Variants in GRM1 observed in about 807,000 individuals in gnomAD.
GRM1 encodes the protein glutamate metabotropic receptor 1, also known as metabotropic glutamate receptor 1.
Under a neutral mutation model 90.9 loss-of-function variants are expected in GRM1, and 33 were observed. The ratio of observed to expected loss-of-function variants is 0.36; its 90% CI spans 0.28 to 0.49. The LOEUF is 0.49. Among genes scored for constraint, GRM1 ranks in the 20% least tolerant of loss-of-function variants. GRM1 has a pLI of 0.99. For synonymous variants in GRM1, 700 were observed against 613.2 expected (o/e 1.14, Z -2.09); for missense variants, 1,190 against 1,534.3 (o/e 0.78, Z 3.75).
chr6:146,405,185 A>G (rs771350389), intron 7 of GRM1, among the ~76,000 whole-genome samples: 8 of 152,182 alleles, frequency 5.3e-5, no homozygotes, highest in Non-Finnish European at 8.8e-5. Context: ...TATCCATAAG[A>G]TTCTTAGAAA....
intron 2 of GRM1, among the ~76,000 whole-genome samples, chr6:146,190,164 A>T (rs1017239140): frequency 6.6e-6 from 1 of 152,200 alleles, no homozygotes; most frequent in East Asian, 1.9e-4. Context: ...AGTGGGGAAA[A>T]TTTTCACATC....
intron 7 of GRM1, among the ~76,000 whole-genome samples, chr6:146,424,810 T>C (rs1475686267): frequency 6.6e-6 from 1 of 152,220 alleles, no homozygotes; most frequent in Non-Finnish European, 1.5e-5. Context: ...TGAGTGTATT[T>C]TCTATCTTCT....
intron 2 of GRM1, among the ~76,000 whole-genome samples, chr6:146,164,312 C>T (rs1272739252): frequency 3.9e-5 from 6 of 152,044 alleles, no homozygotes; most frequent in African/African-American, 1.4e-4. Flanking sequence ...ACTACTGAAC[C>T]ATATTATCAT....
At chr6:146,396,130 A>G (rs143220959) in intron 6 of GRM1, among the ~76,000 whole-genome samples, 1 of 138,356 alleles carries the variant, frequency 7.2e-6, no homozygotes, top group African/African-American at 2.6e-5. Flanking sequence ...TTTATCATCT[A>G]TGTATCATCT....
intron 1 of GRM1, among the ~76,000 whole-genome samples, chr6:146,040,610 C>T (rs1286525935): frequency 1.3e-5 from 2 of 152,032 alleles, no homozygotes; most frequent in African/African-American, 4.8e-5. Flanking sequence ...GTGGTTTCCA[C>T]TAAGAAGTCT....
chr6:146,248,870 A>T (rs1316600823), intron 2 of GRM1, among the ~76,000 whole-genome samples: 2 of 152,168 alleles, frequency 1.3e-5, no homozygotes, highest in African/African-American at 4.8e-5. Flanking sequence ...TCAGATGGAG[A>T]TGAGGAACTT....
intron 2 of GRM1, among the ~76,000 whole-genome samples, chr6:146,282,776 T>C (rs997245678): frequency 6.6e-6 from 1 of 152,114 alleles, no homozygotes; most frequent in African/African-American, 2.4e-5. Context: ...AAATGTTAGG[T>C]CTCATTATGA....
chr6:146,159,484 G>A lies in GRM1; in HGVS notation c.837G>A (p.Glu279=). Residue 279 remains glutamate (E), a synonymous_variant, in exon 2 of 8, where the codon GAG becomes GAA. Coordinates refer to ENST00000282753, the MANE Select transcript of GRM1 (RefSeq NM_001278064.2). The part of the protein sequence containing the change: ...SFDRLLRKLR[E]RLPKARVVVC... Reference sequence around the variant, plus strand: ...ACCGACTCTTGCGCAAACTCCGAGAGAGGCTTCCCAAGGCTAGAGTGGTGG... The same window carrying A: ...ACCGACTCTTGCGCAAACTCCGAGAAAGGCTTCCCAAGGCTAGAGTGGTGG... 6.2e-7 allele frequency: 1 copy of A among 1,614,228 alleles called. No individual in the cohort carries two copies. The highest frequency in any genetic ancestry group is 8.5e-7 in the Non-Finnish European group (1 of 1,180,034).
chr6:146,299,699 T>A (rs1249136862), intron 2 of GRM1, among the ~76,000 whole-genome samples: 1 of 152,228 alleles, frequency 6.6e-6, no homozygotes, highest in African/African-American at 2.4e-5. Context: ...AATATTCATC[T>A]GAATACTTGT....
At chr6:146,214,297 C>T (rs896886782) in intron 2 of GRM1, among the ~76,000 whole-genome samples, 5 of 152,148 alleles carry the variant, frequency 3.3e-5, no homozygotes, top group African/African-American at 1.2e-4. Flanking sequence ...CTGGCATGGT[C>T]TAAGCCATAA....
At chr6:146,403,329 G>C (rs1777222412) in intron 7 of GRM1, among the ~76,000 whole-genome samples, 1 of 152,058 alleles carries the variant, frequency 6.6e-6, no homozygotes, top group South Asian at 2.1e-4. Context: ...CAAACAATTT[G>C]ATGGCACATG....
chr6:146,390,793 C>A (rs933112503), intron 6 of GRM1, among the ~76,000 whole-genome samples: 6 of 151,982 alleles, frequency 3.9e-5, no homozygotes, highest in Non-Finnish European at 7.4e-5. Flanking sequence ...AAGGGAGGAG[C>A]TTCATATGAA....
intron 2 of GRM1, among the ~76,000 whole-genome samples, chr6:146,257,748 A>G (rs960424000): frequency 3.9e-5 from 6 of 151,958 alleles, no homozygotes; most frequent in Non-Finnish European, 7.4e-5. Flanking sequence ...TTCCCCTTTC[A>G]TCTTTTTTTT....
At chr6:146,117,141 G>GATTT (rs201253228) in intron 1 of GRM1, among the ~76,000 whole-genome samples, 1 of 148,916 alleles carries the variant, frequency 6.7e-6, no homozygotes, top group African/African-American at 2.5e-5. Flanking sequence ...ATTTTCCTTG[G>GATTT]ATTTATTTAT....
At chr6:146,431,514 C>T (rs1013630079) in intron 7 of GRM1, among the ~76,000 whole-genome samples, 1 of 152,100 alleles carries the variant, frequency 6.6e-6, no homozygotes, top group African/African-American at 2.4e-5. Flanking sequence ...GAAACTAAGG[C>T]AATGTGTCAT....
At chr6:146,369,827 CAGTT>C (rs1402826397) in intron 5 of GRM1, among the ~76,000 whole-genome samples, 2 of 151,964 alleles carry the variant, frequency 1.3e-5, no homozygotes, top group Non-Finnish European at 2.9e-5. Context: ...CTGTAAATGT[CAGTT>C]AGGTCCATTT....
intron 7 of GRM1, among the ~76,000 whole-genome samples, chr6:146,407,933 G>A (rs1390839129): frequency 1.3e-5 from 2 of 152,214 alleles, no homozygotes; most frequent in Non-Finnish European, 2.9e-5. Flanking sequence ...TGACTCATGT[G>A]AATGGGAAAT....
rs775988247 is a variant in GRM1 at position 146,399,020 on chromosome 6, C to A, written c.1981C>A (p.Arg661Ser). Residue 661 changes from arginine to serine, a missense_variant, in exon 7 of 8, where the codon CGC (arginine) becomes AGC (serine). Coordinates refer to ENST00000282753, the MANE Select transcript of GRM1 (RefSeq NM_001278064.2). This position sits in a 1 kb window ranked among gnomAD's most constrained non-coding sequence, Gnocchi z 5.4. ...TACTACCACCTCCTGCTACCTCCAG[C>A]GCCTCTTGGTTGGCCTCTCCTCTGC... ...KPTTTSCYLQ[R>S]LLVGLSSAMC... 1 of 1,613,942 alleles carries A rather than the reference C, an allele frequency of 6.2e-7. No individual in the cohort carries two copies. The highest frequency in any genetic ancestry group is 8.5e-7 in the Non-Finnish European group (1 of 1,179,976).
In GRM1 at chr6:146,434,381, G is replaced by A. The variant is rs750530538; in HGVS notation, c.3170G>A (p.Gly1057Asp). The change falls in exon 8 of 8, where the codon GGT (glycine) becomes GAT (aspartate). Residue 1057 changes from glycine (G) to aspartate (D), a missense_variant. Transcript: ENST00000282753. ...DFHAVLAGPG[G>D]PGNGLRSLYP... ...CACGCGGTGCTGGCAGGCCCCGGTG[G>A]TCCCGGGAACGGGCTGCGGTCCCTG... The A allele has an allele frequency of 6.2e-7, 1 of 1,613,162 alleles. No homozygotes were observed. Among genetic ancestry groups the A allele is most frequent in the Non-Finnish European group, 8.5e-7 (1 of 1,179,628 alleles).
Sources: allele counts gnomAD v4.1 joint callset (sites outside exome capture counted in the v4.1 genomes callset), GRCh38; gene constraint gnomAD v4.1.1; non-coding constraint Gnocchi (gnomAD v3.1); transcripts MANE v1.5; gene names NCBI Gene and HGNC (gene_info 2026-07-23, HGNC 2026-07-21).